Variants in BTK observed in about 807,000 individuals in gnomAD.
BTK encodes Bruton tyrosine kinase, also known as tyrosine-protein kinase BTK.
In BTK, 5 loss-of-function variants were observed where a neutral mutation model predicts 57.4. The observed-to-expected ratio is 0.09, with a 90% CI of 0.05 to 0.18. The LOEUF is 0.18. Among genes scored for constraint, BTK ranks in the 10% least tolerant of loss-of-function variants. The pLI is 1.00. For synonymous variants in BTK, 154 were observed against 174.3 expected (o/e 0.88, Z 0.92); for missense variants, 194 against 501.2 (o/e 0.39, Z 5.85).
intron 4 of BTK, among the ~76,000 whole-genome samples, chrX:101,370,941 A>G: frequency 8.9e-6 from 1 of 112,626 alleles, no homozygotes; most frequent in Middle Eastern, 4.6e-3. Context: ...AGTCAGGGAC[A>G]CGAACAAGAT....
At chrX:101,366,103 C>T (rs950389281) in intron 5 of BTK, among the ~76,000 whole-genome samples, 1 of 111,528 alleles carries the variant, frequency 9.0e-6, no homozygotes, top group African/African-American at 3.3e-5. Flanking sequence ...GAAATCCCGT[C>T]TCTACCAAAA....
At position 101,363,033 on chromosome X, in the gene BTK, C is replaced by A. The variant is rs187156913; in HGVS notation, c.392-344G>T. Among the ~76,000 whole-genome samples the A allele has an allele frequency of 2.7e-5, 3 of 112,279 alleles. No homozygotes were observed. In the Admixed American group the frequency reaches 2.8e-4, roughly 11 times the overall value. ...AATGTTCCTGTAAGGCAAGTGTTTCCCAGATAAGGGAAACAGTGTGCCCAG... is the reference window on the plus strand; with the variant it reads ...AATGTTCCTGTAAGGCAAGTGTTTCACAGATAAGGGAAACAGTGTGCCCAG... On this transcript the variant is annotated intron_variant, in intron 5 of 18. Coordinates refer to ENST00000308731, the MANE Select transcript of BTK (RefSeq NM_000061.3).
chrX:101,389,391 C>T (rs1367266090), upstream of BTK, among the ~76,000 whole-genome samples: 2 of 111,785 alleles, frequency 1.8e-5, no homozygotes, highest in African/African-American at 6.5e-5. Context: ...ATGTTACTAA[C>T]ATAAACCCCT....
chrX:101,360,062 T>C (rs782669786), intron 9 of BTK, 26 bp downstream of exon 9: 14 of 1,078,675 alleles, frequency 1.3e-5, no homozygotes, highest in South Asian at 9.6e-5. Flanking sequence ...TCCTGGAAGA[T>C]TGTGGACTGA....
chrX:101,350,100 A>G (rs1926227036), intron 18 of BTK, 144 bp from the exon 19 acceptor site: 2 of 466,293 alleles, frequency 4.3e-6, no homozygotes, highest in Non-Finnish European at 7.4e-6. Context: ...AAAAAAAAAA[A>G]AAAAAGAAAT....
chrX:101,381,669 C>T (rs1374463915), intron 1 of BTK, among the ~76,000 whole-genome samples: 1 of 111,750 alleles, frequency 8.9e-6, no homozygotes, highest in Non-Finnish European at 1.9e-5. Context: ...TTCCTAGGTA[C>T]GTTTTCATAT....
Position 101,370,143 on chromosome X carries a change from A to C in BTK, c.310-64T>G, listed in dbSNP as rs782538338. ...CAGAAAAAAGGAGAAAGACCTTGAAAGTACTAATCTTAGGGGACAATTTGT... is the reference window on the plus strand; with the variant it reads ...CAGAAAAAAGGAGAAAGACCTTGAACGTACTAATCTTAGGGGACAATTTGT... On this transcript the variant is annotated intron_variant, in intron 4 of 18. Transcript: ENST00000308731. 3.3e-5 allele frequency: 29 copies of C among 889,108 alleles called. No homozygotes were observed. The Admixed American group carries it at 5.3e-4, about 16-fold the overall frequency. 73.3% of individuals were successfully genotyped at this position (889,108 alleles called of 1,213,427 possible).
chrX:101,383,869 C>A (rs1220757449), intron 1 of BTK, among the ~76,000 whole-genome samples: 1 of 111,799 alleles, frequency 8.9e-6, no homozygotes, highest in Non-Finnish European at 1.9e-5. Context: ...ACACGTGGCC[C>A]AATTGTTTCA....
chrX:101,361,072 T>G (rs1163822437), intron 7 of BTK, among the ~76,000 whole-genome samples: 1 of 110,201 alleles, frequency 9.1e-6, no homozygotes, highest in Non-Finnish European at 1.9e-5. Flanking sequence ...AAAAATCAGC[T>G]GGGCATGGTA....
Position 101,353,176 on chromosome X carries a change from T to A in BTK, c.1908+18A>T, listed in dbSNP as rs1010302002. 8.3e-7 allele frequency: 1 copy of A among 1,204,089 alleles called. No homozygotes were observed. The highest frequency in any genetic ancestry group is 2.2e-5 in the Admixed American group (1 of 45,598). On this transcript the variant is annotated intron_variant, in intron 18 of 18. Coordinates refer to ENST00000308731, the MANE Select transcript of BTK (RefSeq NM_000061.3). Reference sequence around the variant, plus strand: ...AGATTCAAGGAAATAATTTAAGAGATCCTAATAAAGCACTTACCTCATGCC... The same window carrying A: ...AGATTCAAGGAAATAATTTAAGAGAACCTAATAAAGCACTTACCTCATGCC...
chrX:101,375,110 C>G, intron 2 of BTK, 34 bp downstream of exon 2: 1 of 1,210,190 alleles, frequency 8.3e-7, no homozygotes, highest in Non-Finnish European at 1.1e-6. Context: ...TCCTTGATAT[C>G]TTGAAACTCA....
At chrX:101,366,743 A>G (rs934900899) in intron 5 of BTK, among the ~76,000 whole-genome samples, 3 of 83,716 alleles carry the variant, frequency 3.6e-5, no homozygotes, top group Admixed American at 1.5e-4. Flanking sequence ...AACTACTGGG[A>G]AAAAAAATGC....
intron 18 of BTK, among the ~76,000 whole-genome samples, chrX:101,350,928 G>T (rs984827971): frequency 8.9e-6 from 1 of 112,166 alleles, no homozygotes; most frequent in African/African-American, 3.2e-5. Flanking sequence ...TTCCTGGGAA[G>T]TTTAAAAAGA....
chrX:101,359,179 G>T, intron 10 of BTK, 114 bp downstream of exon 10: 1 of 843,291 alleles, frequency 1.2e-6, no homozygotes, highest in Non-Finnish European at 1.8e-6. Flanking sequence ...TGGGATCCCA[G>T]ACGATGGCAG....
chrX:101,381,785 T>A (rs1398107308), intron 1 of BTK, among the ~76,000 whole-genome samples: 3 of 110,805 alleles, frequency 2.7e-5, no homozygotes, highest in African/African-American at 9.9e-5. Flanking sequence ...ATCCCAGCAC[T>A]TTGGGAGGCT....
chrX:101,365,860 G>T (rs955509739), intron 5 of BTK, among the ~76,000 whole-genome samples: 1 of 112,111 alleles, frequency 8.9e-6, no homozygotes. Flanking sequence ...ACATAGAAGG[G>T]CCCACTGCCA....
At position 101,354,662 on chromosome X, in the gene BTK, T is replaced by A; in HGVS notation, c.1599A>T (p.Gly533=). The change falls in exon 16 of 19, where the codon GGA becomes GGT. Residue 533 remains glycine (G), a synonymous_variant. Transcript: ENST00000308731. ...GGCCGAAATCAGATACTTTAACAACTCCTTGATCGTTTACCAAACAGTTTC... is the reference window on the plus strand; with the variant it reads ...GGCCGAAATCAGATACTTTAACAACACCTTGATCGTTTACCAAACAGTTTC... ...AARNCLVNDQ[G]VVKVSDFGLS... 8.3e-7 allele frequency: 1 copy of A among 1,211,444 alleles called. No homozygotes were observed. The highest frequency in any genetic ancestry group is 1.1e-6 in the Non-Finnish European group (1 of 895,443).
rs543112866 is a variant in BTK at position 101,355,411 on chromosome X, C to T, written c.1566+641G>A. Among the ~76,000 whole-genome samples, 18 of 111,804 alleles carry T rather than the reference C, an allele frequency of 1.6e-4. No individual in the cohort carries two copies. In the Middle Eastern group the frequency reaches 0.032, roughly 200 times the overall value. On this transcript the variant is annotated intron_variant, in intron 15 of 18. Coordinates refer to ENST00000308731, the MANE Select transcript of BTK (RefSeq NM_000061.3). ...TTGGCCTGACTGAAAGAAACAGGGG[C>T]GCAAACTCTGATGCTTACAGGGGCC...
chrX:101,362,188 C>T lies in BTK; in HGVS notation c.573G>A (p.Thr191=), dbSNP rs146707427. The T allele has an allele frequency of 1.2e-5, 14 of 1,209,981 alleles. No homozygotes were observed. The highest frequency in any genetic ancestry group is 1.0e-4 in the African/African-American group (6 of 57,167). The change falls in exon 7 of 19, where the codon ACG becomes ACA. Residue 191 remains threonine (T), a synonymous_variant. Coordinates refer to ENST00000308731, the MANE Select transcript of BTK (RefSeq NM_000061.3). ...HRKTKKPLPP[T]PEEDQILKKP... is the part of the protein sequence containing the mutation. The stretch of plus-strand genomic sequence containing the variant: ...CCCTGTATACCTGGTCCTCCTCAGG[C>T]GTTGGGGGAAGAGGCTTTTTTGTCT...
Sources: gnomAD v4.1 joint callset for allele counts (sites outside exome capture counted in the v4.1 genomes callset) on GRCh38, gnomAD v4.1.1 for gene constraint, MANE v1.5 for transcripts, NCBI Gene and HGNC (gene_info 2026-07-23, HGNC 2026-07-21) for gene names.